The following NUGGC variants were observed in gnomAD, a reference collection of about 807,000 sequenced individuals.
The protein encoded by NUGGC is nuclear GTPase, germinal center associated.
NUGGC carries 58 observed loss-of-function variants against 92.6 expected under a neutral mutation model. The observed-to-expected ratio is 0.63, with a 90% CI of 0.51 to 0.78. The LOEUF is 0.78. NUGGC is among the 30% of genes least tolerant of loss of function. The pLI is 0.00. For missense variants in NUGGC, 925 were observed against 964.6 expected (o/e 0.96, Z 0.54); for synonymous variants, 376 against 366.4 (o/e 1.03, Z -0.30).
chr8:28,073,125 C>T (rs1200790363), intron 2 of NUGGC, among the ~76,000 whole-genome samples: 1 of 151,812 alleles, frequency 6.6e-6, no homozygotes, highest in African/African-American at 2.4e-5. Flanking sequence ...ACCTCAGCTC[C>T]CAAGTAGCTG....
chr8:28,064,872 T>C (rs1563228484), intron 6 of NUGGC, 141 bp from the exon 7 acceptor site: 4 of 668,602 alleles, frequency 6.0e-6, no homozygotes, highest in East Asian at 5.4e-5. Context: ...ATCAGGTCTG[T>C]AGGACCTAGA....
intron 8 of NUGGC, among the ~76,000 whole-genome samples, chr8:28,059,735 C>A (rs1213132910): frequency 1.3e-5 from 2 of 152,072 alleles, no homozygotes; most frequent in African/African-American, 4.8e-5. Flanking sequence ...CAAAGCTGTA[C>A]CCTGGGCTGG....
intron 1 of NUGGC, among the ~76,000 whole-genome samples, chr8:28,082,891 C>A (rs896588189): frequency 6.6e-6 from 1 of 152,088 alleles, no homozygotes; most frequent in African/African-American, 2.4e-5. Context: ...GGGTAACAGA[C>A]CGAAGCCTCA....
intron 17 of NUGGC, 105 bp downstream of exon 17, chr8:28,029,161 C>T: frequency 8.5e-7 from 1 of 1,175,302 alleles, no homozygotes; most frequent in Non-Finnish European, 1.2e-6. Context: ...GCATCTGTTC[C>T]ATTTGGACCC....
At position 28,067,707 on chromosome 8, in the gene NUGGC, A is replaced by C. The variant is rs772714020; in HGVS notation, c.518T>G (p.Leu173Arg). The C allele has an allele frequency of 1.2e-6, 2 of 1,613,870 alleles. No homozygotes were observed. Among genetic ancestry groups the C allele is most frequent in the East Asian group, 2.2e-5 (1 of 44,882 alleles). ...REELKNLTKL[L>R]HRTEELSREE... ...TCTGCTCAGCTCCTCCGTCCTATGCAGGAGTTTGGTCAGGTTCTTCAGCTC... is the reference window on the plus strand; with the variant it reads ...TCTGCTCAGCTCCTCCGTCCTATGCCGGAGTTTGGTCAGGTTCTTCAGCTC... Residue 173 changes from leucine to arginine, a missense_variant, in exon 6 of 19, where the codon CTG (leucine) becomes CGG (arginine). Physicochemically the swap from Leu to Arg is moderately radical, Grantham distance 102. Coordinates refer to ENST00000413272, the MANE Select transcript of NUGGC (RefSeq NM_001010906.2).
rs900897712 is a variant in NUGGC, at chr8:28,060,725, C to T, written c.922-124G>A. 4 of 729,618 alleles carry T rather than the reference C, an allele frequency of 5.5e-6. No homozygotes were observed. The African/African-American group carries it at 7.1e-5, about 13-fold the overall frequency. 45.2% of individuals were successfully genotyped at this position (729,618 alleles called of 1,614,324 possible). ...CCACCCCTCACCGCTCCCCACCGCA[C>T]TCTGTGCACTAGCTGGACTGAGCTA... On this transcript the variant is annotated intron_variant, in intron 7 of 18. Transcript: ENST00000413272.
At chr8:28,026,819 A>C (rs1809275045) in intron 18 of NUGGC, 143 bp downstream of exon 18, 1 of 644,108 alleles carries the variant, frequency 1.6e-6, no homozygotes, top group Non-Finnish European at 2.8e-6. Context: ...CATCATCTCC[A>C]TTCCTTGCCC....
chr8:28,065,150 A>ATTTTTTTTTTTTTTTTTTTTTTT (rs1563228601), intron 6 of NUGGC, among the ~76,000 whole-genome samples: 1 of 132,214 alleles, frequency 7.6e-6, no homozygotes, highest in African/African-American at 2.8e-5. Context: ...CTGAAATTGG[A>ATTTTTTTTTTTTTTTTTTTTTTT]TCTTTTTTTT....
chr8:28,080,464 A>C (rs1165176210), intron 1 of NUGGC, among the ~76,000 whole-genome samples: 2 of 152,204 alleles, frequency 1.3e-5, no homozygotes, highest in African/African-American at 4.8e-5. Context: ...ACCCTTGCCA[A>C]CACTATTTAC....
At chr8:28,080,463 A>G (rs577937036) in intron 1 of NUGGC, among the ~76,000 whole-genome samples, 1 of 152,328 alleles carries the variant, frequency 6.6e-6, no homozygotes, top group East Asian at 1.9e-4. Context: ...AACCCTTGCC[A>G]ACACTATTTA....
In NUGGC at chr8:28,064,743, G is replaced by T. The variant is rs1485468394; in HGVS notation, c.712-12C>A. 1 of 1,610,888 alleles carries T rather than the reference G, an allele frequency of 6.2e-7. No individual in the cohort carries two copies. Among genetic ancestry groups the T allele is most frequent in the South Asian group, 1.1e-5 (1 of 90,980 alleles). On this transcript the variant is annotated splice_polypyrimidine_tract_variant and intron_variant, in intron 6 of 18. Coordinates refer to ENST00000413272, the MANE Select transcript of NUGGC (RefSeq NM_001010906.2). ...GACAGCTCTTCTGCCTGAAGAAGGA[G>T]GACAGAGTCACACACACCAGCCATG...
At chr8:28,072,793 T>C (rs1330934887) in intron 2 of NUGGC, among the ~76,000 whole-genome samples, 3 of 152,078 alleles carry the variant, frequency 2.0e-5, no homozygotes, top group African/African-American at 7.2e-5. Flanking sequence ...CGAATTTAGA[T>C]CACAGATCTT....
intron 1 of NUGGC, among the ~76,000 whole-genome samples, chr8:28,077,250 A>G (rs1481568361): frequency 1.3e-5 from 2 of 152,122 alleles, no homozygotes; most frequent in Non-Finnish European, 2.9e-5. Flanking sequence ...GAGTAAATAT[A>G]CCATAATGCA....
chr8:28,034,765 C>T (rs977376541), intron 13 of NUGGC, among the ~76,000 whole-genome samples: 4 of 151,790 alleles, frequency 2.6e-5, no homozygotes, highest in Admixed American at 6.6e-5. Flanking sequence ...TGCAGTGAGC[C>T]GAGATCGCAG....
intron 16 of NUGGC, among the ~76,000 whole-genome samples, chr8:28,029,731 C>A (rs1296911577): frequency 6.6e-6 from 1 of 151,976 alleles, no homozygotes; most frequent in Non-Finnish European, 1.5e-5. Flanking sequence ...GCCTGGGTGA[C>A]AAAGCAAGAC....
intron 18 of NUGGC, among the ~76,000 whole-genome samples, chr8:28,023,795 C>G (rs540511841): frequency 1.3e-5 from 2 of 152,178 alleles, no homozygotes; most frequent in Non-Finnish European, 2.9e-5. Flanking sequence ...CTCTTCCCCC[C>G]ACCCCAATCC....
rs1810210036 is a variant in NUGGC at position 28,058,578 on chromosome 8, T to C, written c.1098-302A>G. Reference sequence around the variant, plus strand: ...GTTCCCATAGCACCTGGCTTGTCCCTTCATGTATAACTTTTAACCCTCTTT... The same window carrying C: ...GTTCCCATAGCACCTGGCTTGTCCCCTCATGTATAACTTTTAACCCTCTTT... On this transcript the variant is annotated intron_variant, in intron 8 of 18. Coordinates refer to ENST00000413272, the MANE Select transcript of NUGGC (RefSeq NM_001010906.2). Among the ~76,000 whole-genome samples the C allele has an allele frequency of 2.0e-5, 3 of 152,346 alleles. No individual in the cohort carries two copies. The South Asian group carries it at 6.2e-4, about 32-fold the overall frequency.
intron 1 of NUGGC, among the ~76,000 whole-genome samples, chr8:28,077,789 C>G (rs1346458941): frequency 6.6e-6 from 1 of 152,132 alleles, no homozygotes; most frequent in Non-Finnish European, 1.5e-5. Flanking sequence ...TAGGAGGAAA[C>G]AGTGGAGCCG....
intron 10 of NUGGC, among the ~76,000 whole-genome samples, chr8:28,048,327 A>G (rs1809893714): frequency 6.6e-6 from 1 of 152,128 alleles, no homozygotes; most frequent in South Asian, 2.1e-4. Flanking sequence ...CAAAATTCAA[A>G]TGTTGAGGTC....
Sources: allele counts gnomAD v4.1 joint callset (sites outside exome capture counted in the v4.1 genomes callset), GRCh38; gene constraint gnomAD v4.1.1; transcripts MANE v1.5; gene names NCBI Gene and HGNC (gene_info 2026-07-23, HGNC 2026-07-21).